Variants in CENPI observed in about 807,000 individuals in gnomAD.
CENPI encodes centromere protein I, also known as FSH primary response 1.
A neutral mutation model predicts 60.4 loss-of-function variants in CENPI; 4 were observed. The observed-to-expected ratio is 0.07, with a 90% CI of 0.03 to 0.15. CENPI has a LOEUF of 0.15. Ranked by LOEUF, CENPI falls within the 10% of genes least tolerant of loss-of-function variation. The pLI is 1.00. For missense variants in CENPI, 444 were observed against 534.5 expected (o/e 0.83, Z 1.67); for synonymous variants, 157 against 189.4 (o/e 0.83, Z 1.40).
chrX:101,140,938 C>G, intron 16 of CENPI, 178 bp downstream of exon 16: 1 of 395,559 alleles, frequency 2.5e-6, no homozygotes, highest in South Asian at 4.4e-5. Flanking sequence ...GGCTAATTCT[C>G]TAAGTTCCTA....
intron 12 of CENPI, 52 bp from the exon 13 acceptor site, chrX:101,129,930 A>T: frequency 1.2e-6 from 1 of 848,365 alleles, no homozygotes; most frequent in Non-Finnish European, 1.7e-6. Flanking sequence ...TGTTTTGTGC[A>T]CTTTTTTATT....
At chrX:101,148,289 T>A in intron 20 of CENPI, 128 bp downstream of exon 20, 1 of 555,723 alleles carries the variant, frequency 1.8e-6, no homozygotes, top group African/African-American at 2.3e-5. Context: ...AAGTAACAAC[T>A]AAATTTTGGG....
At chrX:101,128,566 G>A in intron 11 of CENPI, 150 bp from the exon 12 acceptor site, 5 of 476,100 alleles carry the variant, frequency 1.1e-5, no homozygotes, top group Non-Finnish European at 1.4e-5. Flanking sequence ...CTAGGCTCAA[G>A]TGATCCTCCT....
chrX:101,179,546 A>T, the CENPI span, among the ~76,000 whole-genome samples: 1 of 104,508 alleles, frequency 9.6e-6, no homozygotes, highest in African/African-American at 3.5e-5. Context: ...TTTGAGACGG[A>T]GTCTCGCTCT....
chrX:101,156,167 C>T (rs2090051006), intron 20 of CENPI, among the ~76,000 whole-genome samples: 1 of 110,934 alleles, frequency 9.0e-6, no homozygotes, highest in African/African-American at 3.3e-5. Flanking sequence ...CACCCGCCAC[C>T]ACACCCAGCT....
At position 101,108,050 on chromosome X, in the gene CENPI, C is replaced by T. The variant is rs141044283; in HGVS notation, c.365-1423C>T. On this transcript the variant is annotated intron_variant, in intron 4 of 21. Transcript: ENST00000682095. The stretch of plus-strand genomic sequence containing the variant: ...AATTACAGGCGTGAGCTACTGTGCC[C>T]GGCAAAATTCATTGTTTTAAAAATT... Among the ~76,000 whole-genome samples the T allele has an allele frequency of 1.6e-4, 17 of 109,648 alleles. 1 individual carries two copies. Among genetic ancestry groups the T allele is most frequent in the African/African-American group, 3.6e-4 (11 of 30,182 alleles).
In CENPI at chrX:101,113,553, G is replaced by A. The variant is rs189580699; in HGVS notation, c.591+3555G>A. On this transcript the variant is annotated intron_variant, in intron 6 of 21. Coordinates refer to ENST00000682095, the MANE Select transcript of CENPI (RefSeq NM_001386188.2). ...GGCTGGCCTCAAACTCAGGTGATCC[G>A]CCTGCCTCGGCCTCCCAAAGTGCTG... Among the ~76,000 whole-genome samples the A allele has an allele frequency of 7.0e-3, 760 of 109,104 alleles. 9 individuals are homozygous for A. Among genetic ancestry groups the A allele is most frequent in the African/African-American group, 0.024 (724 of 30,412 alleles). The allele number at this position is 109,104 out of a possible 115,157, so 94.7% of individuals were successfully genotyped here. A position where few individuals can be genotyped will look rare whatever the true frequency, so the allele number is the denominator to read the frequency against.
chrX:101,138,679 G>A (rs1331679691), intron 15 of CENPI, among the ~76,000 whole-genome samples: 1 of 106,846 alleles, frequency 9.4e-6, no homozygotes, highest in Admixed American at 1.0e-4. Flanking sequence ...AGGCTGGTGT[G>A]CAGTGGTGCG....
At chrX:101,124,282 G>A (rs112425732) in intron 8 of CENPI, among the ~76,000 whole-genome samples, 295 of 110,984 alleles carry the variant, frequency 2.7e-3, no homozygotes, top group African/African-American at 8.9e-3. Flanking sequence ...ATAGAACCAG[G>A]AAGAACTGCT....
At chrX:101,141,127 T>G (rs1461817962) in intron 16 of CENPI, 8 of 117,206 alleles carry the variant, frequency 6.8e-5, no homozygotes, top group African/African-American at 2.6e-4. Context: ...GAAAAATCTC[T>G]AACGTAATTT....
chrX:101,174,693 A>G, the CENPI span, among the ~76,000 whole-genome samples: 1 of 110,894 alleles, frequency 9.0e-6, no homozygotes, highest in Non-Finnish European at 1.9e-5. Context: ...AAGAGTTGAA[A>G]AACTATTGGG....
Position 101,120,432 on chromosome X carries a change from CT to C in CENPI, c.624del (p.Thr209ProfsTer11). The C allele has an allele frequency of 1.0e-6, 1 of 970,574 alleles. No individual in the cohort carries two copies. The highest frequency in any genetic ancestry group is 1.5e-6 in the Non-Finnish European group (1 of 680,521). 80.0% of individuals were successfully genotyped at this position (970,574 alleles called of 1,213,427 possible). ...TTATGTTTGCCATTTGTTATATTTA[CT>C]TACCAAAAAAGAGAATGGTGAGTAT... The part of the protein sequence containing the change: ...CPYVCHLLYL[L>X]TKKENVKPFR... On this transcript the variant is annotated frameshift_variant, in exon 7 of 22. Coordinates refer to ENST00000682095, the MANE Select transcript of CENPI (RefSeq NM_001386188.2). LOFTEE classifies it high-confidence loss of function.
chrX:101,167,043 A>G (rs777708387), downstream of CENPI, among the ~76,000 whole-genome samples: 1 of 112,899 alleles, frequency 8.9e-6, no homozygotes, highest in South Asian at 3.6e-4. Flanking sequence ...CGTAAGCCAC[A>G]GCACCCGGCC....
rs769065515 is a variant in CENPI, at chrX:101,158,753, C to T, written c.2095-2775C>T. The stretch of plus-strand genomic sequence containing the variant: ...TCAAGTGATTCTCATGCCTTCACCT[C>T]TCAAATAGCTGGGATTACAGGCTTG... On this transcript the variant is annotated intron_variant, in intron 20 of 21. Transcript: ENST00000682095. Among the ~76,000 whole-genome samples, 5 of 110,950 alleles carry T rather than the reference C, an allele frequency of 4.5e-5. No homozygotes were observed. In the South Asian group the frequency reaches 1.9e-3, roughly 43 times the overall value.
intron 3 of CENPI, among the ~76,000 whole-genome samples, 169 bp downstream of exon 3, chrX:101,101,465 C>T (rs959870205): frequency 2.3e-4 from 26 of 111,480 alleles, no homozygotes; most frequent in African/African-American, 8.5e-4. Context: ...ACTAGGGACA[C>T]AACAACAAAA....
the CENPI span, among the ~76,000 whole-genome samples, chrX:101,171,304 AT>A: frequency 2.7e-5 from 3 of 110,512 alleles, no homozygotes; most frequent in East Asian, 2.8e-4. Flanking sequence ...TTATAAAACA[AT>A]TTTTTTTAAA....
chrX:101,154,446 C>T (rs960602082), intron 20 of CENPI, among the ~76,000 whole-genome samples: 3 of 110,592 alleles, frequency 2.7e-5, no homozygotes, highest in Non-Finnish European at 5.7e-5. Context: ...TGGTGGCATG[C>T]ACCTGTAATC....
At chrX:101,143,782 G>A (rs2089937513) in intron 16 of CENPI, among the ~76,000 whole-genome samples, 1 of 112,240 alleles carries the variant, frequency 8.9e-6, no homozygotes, top group Non-Finnish European at 1.9e-5. Context: ...GCCTGCCTCA[G>A]CCTCCCAAAG....
At chrX:101,144,211 C>T (rs969168430) in intron 16 of CENPI, among the ~76,000 whole-genome samples, 8 of 104,165 alleles carry the variant, frequency 7.7e-5, no homozygotes, top group African/African-American at 2.8e-4. Context: ...GCTTCCCAAG[C>T]AGCTGGGATT....
Sources: allele counts gnomAD v4.1 joint callset (sites outside exome capture counted in the v4.1 genomes callset), GRCh38; gene constraint gnomAD v4.1.1; transcripts MANE v1.5; gene names NCBI Gene and HGNC (gene_info 2026-07-23, HGNC 2026-07-21).